CDH8: variants seen among roughly 807,000 people sequenced by gnomAD.
CDH8 encodes the protein cadherin-8.
A neutral mutation model predicts 68.1 loss-of-function variants in CDH8; 17 were observed. The ratio of observed to expected loss-of-function variants is 0.25; its 90% CI spans 0.17 to 0.37. The LOEUF (loss-of-function observed/expected upper bound fraction) is 0.37. Among genes scored for constraint, CDH8 ranks in the 10% least tolerant of loss-of-function variants. The pLI is 1.00. For missense variants in CDH8, 763 were observed against 999.3 expected (o/e 0.76, Z 3.19); for synonymous variants, 372 against 365.1 (o/e 1.02, Z -0.21).
chr16:62,035,829 C>G lies in CDH8; in HGVS notation c.-200+251G>C, dbSNP rs183901167. On this transcript the variant is annotated intron_variant, in intron 1 of 11. Coordinates refer to ENST00000577390, the MANE Select transcript of CDH8 (RefSeq NM_001796.5). ...GGCACAGCCTGGAGCTTGCTACTCT[C>G]TAGGATCTGTTGTCAAAGCAGTTTG... Among the ~76,000 whole-genome samples the G allele has an allele frequency of 3.9e-5, 6 of 152,286 alleles. No individual in the cohort carries two copies. In the East Asian group the frequency reaches 1.2e-3, roughly 30 times the overall value.
At chr16:62,010,575 T>C (rs1008114495) in intron 2 of CDH8, among the ~76,000 whole-genome samples, 5 of 152,208 alleles carry the variant, frequency 3.3e-5, no homozygotes, top group Non-Finnish European at 7.3e-5. Context: ...AGGCAAACTT[T>C]AATAAATTGT....
intron 8 of CDH8, among the ~76,000 whole-genome samples, chr16:61,783,616 A>T (rs1311392973): frequency 6.7e-6 from 1 of 149,938 alleles, no homozygotes. Context: ...AAGAAGAGCA[A>T]CTCCAAGACA....
At chr16:61,701,178 AGACTACC>A (rs527250907) in intron 10 of CDH8, among the ~76,000 whole-genome samples, 246 of 152,296 alleles carry the variant, frequency 1.6e-3, no homozygotes, top group African/African-American at 5.4e-3. Context: ...ATGGGTCACT[AGACTACC>A]GTGATGTATA....
intron 4 of CDH8, among the ~76,000 whole-genome samples, chr16:61,846,514 C>T (rs916562242): frequency 6.6e-6 from 1 of 152,000 alleles, no homozygotes; most frequent in African/African-American, 2.4e-5. Flanking sequence ...GTTTAGAGTA[C>T]CTGTCTTCTT....
At position 61,687,215 on chromosome 16, in the gene CDH8, G is replaced by A. The variant is rs571641405; in HGVS notation, c.1654+26626C>T. Among the ~76,000 whole-genome samples the A allele has an allele frequency of 3.2e-3, 493 of 151,856 alleles. 1 individual carries two copies. The highest frequency in any genetic ancestry group is 0.011 in the African/African-American group (470 of 41,450). ...AAAGGGAAGAAACACAACTGTAAAA[G>A]AAAGTGGCAATGTTCAGTCCTGATC... is the stretch of plus-strand genomic sequence containing the variant. On this transcript the variant is annotated intron_variant, in intron 10 of 11. Transcript: ENST00000577390.
At chr16:61,970,329 TAA>T (rs1965317870) in intron 2 of CDH8, among the ~76,000 whole-genome samples, 2 of 151,864 alleles carry the variant, frequency 1.3e-5, no homozygotes, top group African/African-American at 4.8e-5. Flanking sequence ...AAGGGAAAAA[TAA>T]GAGAAGAAAA....
intron 8 of CDH8, among the ~76,000 whole-genome samples, chr16:61,784,877 C>G (rs931421663): frequency 6.6e-6 from 1 of 152,182 alleles, no homozygotes; most frequent in African/African-American, 2.4e-5. Context: ...TAAAGATGTT[C>G]TTTAAAACCA....
chr16:61,780,130 G>T (rs1961010186), intron 8 of CDH8, among the ~76,000 whole-genome samples: 1 of 152,074 alleles, frequency 6.6e-6, no homozygotes, highest in African/African-American at 2.4e-5. Context: ...AAGCATCGAA[G>T]GGCTTTTTTC....
intron 7 of CDH8, among the ~76,000 whole-genome samples, chr16:61,814,518 C>T (rs7187839): frequency 0.22 from 32,795 of 152,026 alleles, 4,060 homozygotes; most frequent in African/African-American, 0.35. Context: ...AATTGAACCG[C>T]GTGAGAAGCC....
At chr16:61,693,861 C>G (rs1398764404) in intron 10 of CDH8, 2 of 152,140 alleles carry the variant, frequency 1.3e-5, no homozygotes, top group Non-Finnish European at 2.9e-5. Context: ...TTGTACATGT[C>G]AGGCCCTTTG....
chr16:62,012,485 T>C (rs1007761337), intron 2 of CDH8, among the ~76,000 whole-genome samples: 5 of 152,284 alleles, frequency 3.3e-5, no homozygotes, highest in Middle Eastern at 3.4e-3. Context: ...AGCAGAGGTG[T>C]AGTTTTTAAA....
intron 11 of CDH8, among the ~76,000 whole-genome samples, chr16:61,654,720 A>C (rs1474887488): frequency 6.6e-6 from 1 of 152,202 alleles, no homozygotes; most frequent in East Asian, 1.9e-4. Context: ...ATGTGGGCTA[A>C]TGGAGCAAAA....
At chr16:61,664,753 T>A (rs140276406) in intron 10 of CDH8, among the ~76,000 whole-genome samples, 1 of 151,996 alleles carries the variant, frequency 6.6e-6, no homozygotes, top group African/African-American at 2.4e-5. Context: ...AATACCATCA[T>A]GTTAAAGAGG....
chr16:61,959,182 C>T (rs75890301), intron 2 of CDH8, among the ~76,000 whole-genome samples: 1,925 of 152,222 alleles, frequency 0.013, 37 homozygotes, highest in African/African-American at 0.04. Context: ...TATCTGTGGG[C>T]ACCTCTCACA....
At chr16:61,924,634 T>G (rs2143428869) in intron 2 of CDH8, among the ~76,000 whole-genome samples, 1 of 152,264 alleles carries the variant, frequency 6.6e-6, no homozygotes. Context: ...AGGATCTTGG[T>G]GATTGATGGA....
chr16:61,652,053 G>A lies in CDH8; in HGVS notation c.*1555C>T, dbSNP rs142249705. 8.7e-5 allele frequency: 76 copies of A among 873,502 alleles called. No homozygotes were observed. Among genetic ancestry groups the A allele is most frequent in the Middle Eastern group, 1.2e-3 (2 of 1,708 alleles). 54.1% of individuals were successfully genotyped at this position (873,502 alleles called of 1,614,324 possible). A position where few individuals can be genotyped will look rare whatever the true frequency, so the allele number is the denominator to read the frequency against. Reference sequence around the variant, plus strand: ...TTTCACAAAGTAGGAAACAATACAGGAGTTTCTCTGAATACAATACATGGA... The same window carrying A: ...TTTCACAAAGTAGGAAACAATACAGAAGTTTCTCTGAATACAATACATGGA... On this transcript the variant is annotated 3_prime_UTR_variant, in exon 12 of 12. Coordinates refer to ENST00000577390, the MANE Select transcript of CDH8 (RefSeq NM_001796.5).
chr16:61,695,151 T>C (rs1454729422), intron 10 of CDH8, among the ~76,000 whole-genome samples: 5 of 152,004 alleles, frequency 3.3e-5, no homozygotes, highest in East Asian at 1.9e-4. Context: ...ATGGAACCAT[T>C]GGAGTCCGAG....
chr16:62,028,484 C>G (rs914113521), intron 1 of CDH8, among the ~76,000 whole-genome samples: 1 of 152,074 alleles, frequency 6.6e-6, no homozygotes, highest in Non-Finnish European at 1.5e-5. Context: ...ATAAATGCCT[C>G]TCCTCCTCCT....
intron 7 of CDH8, among the ~76,000 whole-genome samples, chr16:61,809,927 A>C (rs1290411000): frequency 6.6e-6 from 1 of 152,202 alleles, no homozygotes; most frequent in Non-Finnish European, 1.5e-5. Context: ...TAGTCCCAGT[A>C]GTGATTATTA....
Sources: allele counts gnomAD v4.1 joint callset (sites outside exome capture counted in the v4.1 genomes callset), GRCh38; gene constraint gnomAD v4.1.1; transcripts MANE v1.5; gene names NCBI Gene and HGNC (gene_info 2026-07-23, HGNC 2026-07-21).